LMOD1: variants seen among roughly 807,000 people sequenced by gnomAD.
The protein encoded by LMOD1 is leiomodin 1.
In LMOD1, 8 loss-of-function variants were observed where a neutral mutation model predicts 36.5. The observed-to-expected ratio is 0.22, with a 90% CI of 0.13 to 0.40. The LOEUF (loss-of-function observed/expected upper bound fraction) is 0.40. Ranked by LOEUF, LMOD1 falls within the 10% of genes least tolerant of loss-of-function variation. LMOD1 has a pLI of 1.00. For synonymous variants in LMOD1, 284 were observed against 288.7 expected, an observed-to-expected ratio of 0.98 and a Z score of 0.17; for missense variants, 630 against 751.1, an observed-to-expected ratio of 0.84 and a Z score of 1.88.
chr1:201,928,203 G>A lies in LMOD1; in HGVS notation c.261+17877C>T, dbSNP rs897120004. On this transcript the variant is annotated intron_variant, in intron 1 of 2. Transcript: ENST00000367288. ...ACTTCTCTTCATTATAAATCACACAGTCTGTAGTATTTTTTTATAGCAGCA... is the reference window on the plus strand; with the variant it reads ...ACTTCTCTTCATTATAAATCACACAATCTGTAGTATTTTTTTATAGCAGCA... 7.2e-5 allele frequency among the ~76,000 whole-genome samples: 11 copies of A among 152,316 alleles called. No individual in the cohort carries two copies. In the East Asian group the frequency reaches 1.5e-3, roughly 21 times the overall value.
chr1:201,928,124 G>A (rs544038653), intron 1 of LMOD1, among the ~76,000 whole-genome samples: 1 of 152,330 alleles, frequency 6.6e-6, no homozygotes, highest in South Asian at 2.1e-4. Context: ...GTCCTCACCA[G>A]ATACAGGCCC....
At position 201,900,130 on chromosome 1, in the gene LMOD1, T is replaced by A. The variant is rs1270293245; in HGVS notation, c.883A>T (p.Thr295Ser). ...GAGGGCTTGGTGGGGCCACTGGGCG[T>A]CTGTTTCTCGGGTGTTTTGGTCTTG... ...DSKTKTPEKQTPSGPTKPSEG... is the reference protein window; with the variant it reads ...DSKTKTPEKQSPSGPTKPSEG... Residue 295 changes from threonine to serine, a missense_variant, in exon 2 of 3, where the codon ACG becomes TCG. Physicochemically the swap from Thr to Ser is moderately conservative, Grantham distance 58 (BLOSUM62 1). Transcript: ENST00000367288. The A allele has an allele frequency of 6.2e-7, 1 of 1,613,878 alleles. No homozygotes were observed. The highest frequency in any genetic ancestry group is 1.7e-5 in the Admixed American group (1 of 60,020).
At chr1:201,935,006 T>G (rs1029295587) in intron 1 of LMOD1, among the ~76,000 whole-genome samples, 2 of 152,222 alleles carry the variant, frequency 1.3e-5, no homozygotes, top group Admixed American at 6.5e-5. Flanking sequence ...CTCATGGCTT[T>G]CAGTAGCATC....
chr1:201,920,358 G>A (rs1396658557), intron 1 of LMOD1, among the ~76,000 whole-genome samples: 2 of 152,042 alleles, frequency 1.3e-5, no homozygotes, highest in African/African-American at 4.8e-5. Flanking sequence ...TACTACCCCA[G>A]TAAAATGACA....
chr1:201,906,054 CT>C (rs1415275790), intron 1 of LMOD1, among the ~76,000 whole-genome samples: 1 of 152,196 alleles, frequency 6.6e-6, no homozygotes, highest in Non-Finnish European at 1.5e-5. Context: ...ATGCCCCTAG[CT>C]CGAGCTCCTG....
chr1:201,943,201 A>C (rs1558245053), intron 1 of LMOD1, among the ~76,000 whole-genome samples: 1 of 152,198 alleles, frequency 6.6e-6, no homozygotes, highest in Non-Finnish European at 1.5e-5. Context: ...GACTGACATT[A>C]CTGTCTTTTT....
At chr1:201,913,718 C>A (rs1681552470) in intron 1 of LMOD1, among the ~76,000 whole-genome samples, 2 of 152,148 alleles carry the variant, frequency 1.3e-5, no homozygotes, top group African/African-American at 4.8e-5. Flanking sequence ...GGTATGTGGG[C>A]AAGAGTGAGG....
chr1:201,916,841 C>T (rs1681620657), intron 1 of LMOD1, among the ~76,000 whole-genome samples: 1 of 152,168 alleles, frequency 6.6e-6, no homozygotes, highest in Non-Finnish European at 1.5e-5. Flanking sequence ...GCCAAAGGGT[C>T]TCAGGCACTG....
chr1:201,905,227 G>A (rs1378528114), intron 1 of LMOD1, among the ~76,000 whole-genome samples: 2 of 152,214 alleles, frequency 1.3e-5, no homozygotes, highest in East Asian at 3.8e-4. Context: ...GATGACCTCT[G>A]AAAGCCGGTA....
chr1:201,929,062 C>G (rs781327629), intron 1 of LMOD1, among the ~76,000 whole-genome samples: 15 of 151,118 alleles, frequency 9.9e-5, no homozygotes, highest in Non-Finnish European at 1.5e-4. Flanking sequence ...ATCTGTGGCC[C>G]CAGGGATCAT....
At chr1:201,909,123 C>T (rs114487080) in intron 1 of LMOD1, among the ~76,000 whole-genome samples, 18 of 152,288 alleles carry the variant, frequency 1.2e-4, no homozygotes, top group African/African-American at 2.2e-4. Context: ...CATGAAGCTA[C>T]GAAAAGCTGT....
At chr1:201,909,151 A>G (rs146509214) in intron 1 of LMOD1, among the ~76,000 whole-genome samples, 1 of 152,246 alleles carries the variant, frequency 6.6e-6, no homozygotes, top group Non-Finnish European at 1.5e-5. Context: ...CAGGCATCCC[A>G]GATGCCCATA....
At chr1:201,936,138 A>G (rs1212889115) in intron 1 of LMOD1, among the ~76,000 whole-genome samples, 1 of 150,872 alleles carries the variant, frequency 6.6e-6, no homozygotes, top group Non-Finnish European at 1.5e-5. Flanking sequence ...AATTCACCCA[A>G]TAGCTTAGGC....
chr1:201,923,324 A>C (rs1388201325), intron 1 of LMOD1, among the ~76,000 whole-genome samples: 3 of 152,172 alleles, frequency 2.0e-5, no homozygotes, highest in Admixed American at 1.3e-4. Flanking sequence ...TGCTGAACAA[A>C]GAGATGCATC....
chr1:201,917,238 T>C (rs1681627182), intron 1 of LMOD1, among the ~76,000 whole-genome samples: 1 of 152,028 alleles, frequency 6.6e-6, no homozygotes, highest in African/African-American at 2.4e-5. Flanking sequence ...TGGGGGAAGG[T>C]GGCCTGACCT....
At chr1:201,932,113 G>A (rs1049768394) in intron 1 of LMOD1, among the ~76,000 whole-genome samples, 4 of 152,172 alleles carry the variant, frequency 2.6e-5, no homozygotes, top group African/African-American at 9.7e-5. Flanking sequence ...CAGGCTAGGG[G>A]TGATGGAAGG....
At position 201,921,230 on chromosome 1, in the gene LMOD1, C is replaced by G. The variant is rs190501146; in HGVS notation, c.262-20479G>C. 3.4e-3 allele frequency among the ~76,000 whole-genome samples: 524 copies of G among 152,212 alleles called. 4 individuals carry two copies. Among genetic ancestry groups the G allele is most frequent in the African/African-American group, 0.01 (417 of 41,532 alleles). ...CTGGGCTGGGCGCAGTGGCTCACAC[C>G]TGTAATCCCAGCACTTTGGGAGGCT... On this transcript the variant is annotated intron_variant, in intron 1 of 2. Transcript: ENST00000367288.
At chr1:201,924,172 A>T (rs1165769293) in intron 1 of LMOD1, among the ~76,000 whole-genome samples, 1 of 151,052 alleles carries the variant, frequency 6.6e-6, no homozygotes, top group East Asian at 2.0e-4. Flanking sequence ...AAAAAAAAAA[A>T]AATTAGCCGG....
chr1:201,937,842 T>C (rs1382525549), intron 1 of LMOD1, among the ~76,000 whole-genome samples: 2 of 152,224 alleles, frequency 1.3e-5, no homozygotes, highest in Non-Finnish European at 2.9e-5. Context: ...TACTCTATCC[T>C]GGCATTTAGA....
Sources: allele counts gnomAD v4.1 joint callset (sites outside exome capture counted in the v4.1 genomes callset), GRCh38; gene constraint gnomAD v4.1.1; transcripts MANE v1.5; gene names NCBI Gene and HGNC (gene_info 2026-07-23, HGNC 2026-07-21).